Variants in SMIM14 observed in about 807,000 individuals in gnomAD.
SMIM14 encodes small integral membrane protein 14, also known as chromosome 4 open reading frame 34.
SMIM14 carries 5 observed loss-of-function variants against 12.6 expected under a neutral mutation model. The observed-to-expected ratio is 0.40, with a 90% CI of 0.21 to 0.83. The LOEUF (loss-of-function observed/expected upper bound fraction) is 0.83, where lower values mean the gene tolerates loss of function less well. Among genes scored for constraint, SMIM14 ranks in the 40% least tolerant of loss-of-function variants. The pLI is 0.37. For synonymous variants in SMIM14, 30 were observed against 40.1 expected (o/e 0.75, Z 0.95); for missense variants, 86 against 119.1 (o/e 0.72, Z 1.29).
chr4:39,596,219 C>T (rs6531726), intron 2 of SMIM14, among the ~76,000 whole-genome samples: 16,729 of 152,092 alleles, frequency 0.11, 1,334 homozygotes, highest in African/African-American at 0.22. Flanking sequence ...CCTCAGCCTC[C>T]CAAGTAGCTG....
intron 3 of SMIM14, among the ~76,000 whole-genome samples, chr4:39,571,534 C>T (rs1712886496): frequency 6.6e-6 from 1 of 151,720 alleles, no homozygotes; most frequent in Non-Finnish European, 1.5e-5. Flanking sequence ...GAGCCATGAT[C>T]GCACAATTGC....
intron 2 of SMIM14, among the ~76,000 whole-genome samples, chr4:39,600,282 AC>A (rs1262452887): frequency 2.0e-5 from 3 of 151,982 alleles, no homozygotes; most frequent in African/African-American, 7.2e-5. Context: ...CAAGTGATCC[AC>A]CTGCCTCAGC....
intron 2 of SMIM14, among the ~76,000 whole-genome samples, chr4:39,590,022 C>CAAAAAAAAAAAAAAAA (rs34159677): frequency 1.4e-5 from 1 of 71,352 alleles, no homozygotes; most frequent in Non-Finnish European, 2.6e-5. Context: ...GACTCTGTTT[C>CAAAAAAAAAAAAAAAA]AAAAAAAAAA....
At position 39,551,695 on chromosome 4, in the gene SMIM14, C is replaced by T. The variant is rs1409110640; in HGVS notation, c.*431G>A. The stretch of plus-strand genomic sequence containing the variant: ...TAATTTTCTTTCACACAATCCCAGA[C>T]AACCCCAAATAACTTTATAAATACC... On this transcript the variant is annotated 3_prime_UTR_variant, in exon 5 of 5. Transcript: ENST00000295958. The T allele has an allele frequency of 6.5e-6, 1 of 152,944 alleles. No homozygotes were observed. The highest frequency in any genetic ancestry group is 2.4e-5 in the African/African-American group (1 of 41,448). The allele number at this position is 152,944 out of a possible 1,614,324, so 9.5% of individuals were successfully genotyped here.
intron 2 of SMIM14, among the ~76,000 whole-genome samples, chr4:39,575,079 GTTTT>G (rs372419357): frequency 4.0e-5 from 5 of 125,408 alleles, no homozygotes; most frequent in South Asian, 5.2e-4. Flanking sequence ...CGAGAAAATA[GTTTT>G]TTTTTTTTTT....
Position 39,591,984 on chromosome 4 carries a change from G to C in SMIM14, c.75+13087C>G, listed in dbSNP as rs1022949130. Among the ~76,000 whole-genome samples the C allele has an allele frequency of 1.4e-4, 22 of 152,224 alleles. No individual in the cohort carries two copies. The East Asian group carries it at 4.2e-3, about 29-fold the overall frequency. On this transcript the variant is annotated intron_variant, in intron 2 of 4. Coordinates refer to ENST00000295958, the MANE Select transcript of SMIM14 (RefSeq NM_174921.3). ...TGGAACAGGAGGAAGCTTGAGGCTA[G>C]GTGTGTGAGACCAGCGTAGGCAACA...
intron 3 of SMIM14, among the ~76,000 whole-genome samples, chr4:39,567,495 T>C (rs963005974): frequency 1.3e-5 from 2 of 151,968 alleles, no homozygotes; most frequent in Non-Finnish European, 2.9e-5. Flanking sequence ...TCCCAGCACT[T>C]TGGGAGGTTG....
chr4:39,617,500 C>T (rs987132178), intron 1 of SMIM14, among the ~76,000 whole-genome samples: 6 of 152,124 alleles, frequency 3.9e-5, no homozygotes, highest in Admixed American at 2.6e-4. Flanking sequence ...ACTGAATATG[C>T]TAAATTGTTT....
At chr4:39,636,562 ACC>A (rs1482079864) in intron 1 of SMIM14, among the ~76,000 whole-genome samples, 3 of 152,174 alleles carry the variant, frequency 2.0e-5, no homozygotes, top group Non-Finnish European at 2.9e-5. Context: ...AGTGGGCTGG[ACC>A]TGGTGTCTCA....
chr4:39,634,632 A>G (rs1716025450), intron 1 of SMIM14, among the ~76,000 whole-genome samples: 1 of 152,262 alleles, frequency 6.6e-6, no homozygotes, highest in Non-Finnish European at 1.5e-5. Flanking sequence ...AGGAAAAGCC[A>G]CTAAAACATT....
At chr4:39,616,316 A>T (rs1286795558) in intron 1 of SMIM14, among the ~76,000 whole-genome samples, 1 of 152,098 alleles carries the variant, frequency 6.6e-6, no homozygotes, top group Non-Finnish European at 1.5e-5. Context: ...TTGTATTTTT[A>T]GTAAAGACGG....
chr4:39,615,341 T>C (rs1715181268), intron 1 of SMIM14, among the ~76,000 whole-genome samples: 1 of 152,206 alleles, frequency 6.6e-6, no homozygotes, highest in African/African-American at 2.4e-5. Flanking sequence ...AAAATAAAAA[T>C]ATTTACTTAA....
At chr4:39,582,594 G>A (rs1713569139) in intron 2 of SMIM14, among the ~76,000 whole-genome samples, 1 of 151,458 alleles carries the variant, frequency 6.6e-6, no homozygotes, top group African/African-American at 2.4e-5. Flanking sequence ...AACCCAGGAG[G>A]CAGAGGTTGC....
At chr4:39,598,486 A>G (rs1390640484) in intron 2 of SMIM14, among the ~76,000 whole-genome samples, 12 of 152,070 alleles carry the variant, frequency 7.9e-5, no homozygotes, top group Non-Finnish European at 8.8e-5. Flanking sequence ...TCCATGTTAA[A>G]TACCCATAGA....
chr4:39,564,315 A>T (rs1220953756), intron 3 of SMIM14, among the ~76,000 whole-genome samples: 1 of 152,194 alleles, frequency 6.6e-6, no homozygotes, highest in Non-Finnish European at 1.5e-5. Flanking sequence ...AGCTGAGTCA[A>T]GGGTGATCTC....
At chr4:39,595,907 G>T (rs1260158843) in intron 2 of SMIM14, among the ~76,000 whole-genome samples, 2 of 152,026 alleles carry the variant, frequency 1.3e-5, no homozygotes, top group Non-Finnish European at 2.9e-5. Context: ...GAGCCACCAT[G>T]CCAGGCCTGT....
chr4:39,618,333 T>G (rs1355365288), intron 1 of SMIM14, among the ~76,000 whole-genome samples: 1 of 152,136 alleles, frequency 6.6e-6, no homozygotes, highest in African/African-American at 2.4e-5. Flanking sequence ...CAAGATGTGA[T>G]CACCACTCTC....
chr4:39,617,753 C>T (rs1240919229), intron 1 of SMIM14, among the ~76,000 whole-genome samples: 1 of 152,208 alleles, frequency 6.6e-6, no homozygotes, highest in Non-Finnish European at 1.5e-5. Context: ...CCTACTCACT[C>T]TCTGGTGGAA....
intron 1 of SMIM14, among the ~76,000 whole-genome samples, chr4:39,619,878 T>TA (rs1195982564): frequency 0.096 from 5,118 of 53,448 alleles, 141 homozygotes; most frequent in Non-Finnish European, 0.12. Flanking sequence ...ATATATATAT[T>TA]TTTTTTTTTT....
Sources: allele counts gnomAD v4.1 joint callset (sites outside exome capture counted in the v4.1 genomes callset), GRCh38; gene constraint gnomAD v4.1.1; transcripts MANE v1.5; gene names NCBI Gene and HGNC (gene_info 2026-07-23, HGNC 2026-07-21).